The following DIAPH2 variants were observed in gnomAD, a reference collection of about 807,000 sequenced individuals.
DIAPH2 encodes the protein diaphanous related formin 2, also known as protein diaphanous homolog 2.
A neutral mutation model predicts 92.7 loss-of-function variants in DIAPH2; 35 were observed. The ratio of observed to expected loss-of-function variants is 0.38; its 90% CI spans 0.29 to 0.50. The LOEUF (loss-of-function observed/expected upper bound fraction) is 0.50. DIAPH2 is among the 20% of genes least tolerant of loss of function. DIAPH2 has a pLI of 0.94. For synonymous variants in DIAPH2, 301 were observed against 280.4 expected, an observed-to-expected ratio of 1.07 and a Z score of -0.73; for missense variants, 701 against 819.5, an observed-to-expected ratio of 0.86 and a Z score of 1.77.
chrX:97,154,371 A>G (rs955365138), intron 22 of DIAPH2, among the ~76,000 whole-genome samples: 3 of 111,970 alleles, frequency 2.7e-5, no homozygotes, highest in Non-Finnish European at 5.6e-5. Flanking sequence ...AAAAGGATAT[A>G]AAATATGAAA....
In DIAPH2 at chrX:97,152,281, G is replaced by C. The variant is rs1035371351; in HGVS notation, c.2719+10487G>C. Among the ~76,000 whole-genome samples, 3 of 111,782 alleles carry C rather than the reference G, an allele frequency of 2.7e-5. No individual in the cohort carries two copies. The East Asian group carries it at 8.4e-4, about 31-fold the overall frequency. On this transcript the variant is annotated intron_variant, in intron 22 of 26. Coordinates refer to ENST00000324765, the MANE Select transcript of DIAPH2 (RefSeq NM_006729.5). ...TCATGGGCAGTACCATTGCTGTTGT[G>C]ATTTCTTGAAATTAACTGGCATCTT... is the stretch of plus-strand genomic sequence containing the variant.
chrX:97,312,350 T>A lies in DIAPH2; in HGVS notation c.2845-35766T>A, dbSNP rs1163044823. Reference sequence around the variant, plus strand: ...CACTTTTGATCAATAGAATCCTTTTTTTTTTTTTTTTTTTTTTTTTTTGAG... The same window carrying A: ...CACTTTTGATCAATAGAATCCTTTTATTTTTTTTTTTTTTTTTTTTTTGAG... On this transcript the variant is annotated intron_variant, in intron 23 of 26. Coordinates refer to ENST00000324765, the MANE Select transcript of DIAPH2 (RefSeq NM_006729.5). 5.6e-4 allele frequency among the ~76,000 whole-genome samples: 42 copies of A among 74,913 alleles called. 2 individuals are homozygous for A. The highest frequency in any genetic ancestry group is 2.1e-3 in the African/African-American group (42 of 19,962). 65.1% of individuals were successfully genotyped at this position (74,913 alleles called of 115,157 possible). A position where few individuals can be genotyped will look rare whatever the true frequency, so the allele number is the denominator to read the frequency against.
intron 5 of DIAPH2, among the ~76,000 whole-genome samples, chrX:96,891,234 T>A (rs752459066): frequency 6.1e-4 from 69 of 112,421 alleles, no homozygotes; most frequent in African/African-American, 1.5e-3. Context: ...TTGGTTTGAA[T>A]CATATTCACA....
intron 26 of DIAPH2, among the ~76,000 whole-genome samples, chrX:97,476,665 A>T (rs1345849884): frequency 9.1e-6 from 1 of 110,247 alleles, no homozygotes; most frequent in African/African-American, 3.3e-5. Flanking sequence ...ATACTGCTTT[A>T]AAAAATATAC....
At chrX:96,963,935 A>T (rs1248055820) in intron 16 of DIAPH2, among the ~76,000 whole-genome samples, 1 of 111,265 alleles carries the variant, frequency 9.0e-6, no homozygotes, top group African/African-American at 3.3e-5. Flanking sequence ...GTGTGGAATA[A>T]GTGACAATAT....
At chrX:96,757,954 G>T (rs2064242301) in intron 3 of DIAPH2, among the ~76,000 whole-genome samples, 200 bp from the exon 4 acceptor site, 1 of 111,836 alleles carries the variant, frequency 8.9e-6, no homozygotes, top group Non-Finnish European at 1.9e-5. Flanking sequence ...TGTGAACCGT[G>T]AATACATGGT....
intron 26 of DIAPH2, among the ~76,000 whole-genome samples, chrX:97,500,858 C>T (rs1276947460): frequency 9.9e-6 from 1 of 100,739 alleles, no homozygotes; most frequent in Non-Finnish European, 2.0e-5. Flanking sequence ...TCCTCCTTTG[C>T]CAGTTCTCCA....
intron 26 of DIAPH2, among the ~76,000 whole-genome samples, chrX:97,514,865 G>A (rs756311625): frequency 2.8e-4 from 31 of 111,755 alleles, no homozygotes; most frequent in South Asian, 3.8e-4. Flanking sequence ...CAGCCTGCCC[G>A]TTCTCAGATC....
At chrX:97,057,030 C>T (rs924815787) in intron 17 of DIAPH2, among the ~76,000 whole-genome samples, 1 of 111,471 alleles carries the variant, frequency 9.0e-6, no homozygotes, top group African/African-American at 3.3e-5. Flanking sequence ...GAGATACAAT[C>T]TAAGATATTC....
chrX:97,439,683 G>A (rs2070232877), intron 26 of DIAPH2, among the ~76,000 whole-genome samples: 3 of 104,301 alleles, frequency 2.9e-5, no homozygotes, highest in Non-Finnish European at 3.9e-5. Context: ...GGAGGTTGAG[G>A]CTGCAGTGAG....
intron 26 of DIAPH2, among the ~76,000 whole-genome samples, chrX:97,523,478 C>T (rs1431527234): frequency 9.0e-6 from 1 of 111,651 alleles, no homozygotes; most frequent in East Asian, 2.8e-4. Flanking sequence ...TTTGGAATTC[C>T]AATCAGCCAA....
At chrX:97,108,759 A>G (rs1248924490) in intron 20 of DIAPH2, among the ~76,000 whole-genome samples, 1 of 112,202 alleles carries the variant, frequency 8.9e-6, no homozygotes, top group African/African-American at 3.2e-5. Context: ...TAGTAGATGT[A>G]TATTATGAAT....
At chrX:97,460,762 C>T (rs2070451839) in intron 26 of DIAPH2, among the ~76,000 whole-genome samples, 1 of 111,447 alleles carries the variant, frequency 9.0e-6, no homozygotes, top group African/African-American at 3.3e-5. Context: ...AAAATTATGC[C>T]TGGTGGAGGG....
chrX:96,728,372 G>A (rs764751606), intron 1 of DIAPH2, among the ~76,000 whole-genome samples: 2 of 110,522 alleles, frequency 1.8e-5, no homozygotes, highest in East Asian at 5.8e-4. Flanking sequence ...ACTACACCCA[G>A]CTAATTTTTG....
At chrX:96,896,578 C>T (rs777172950) in intron 5 of DIAPH2, among the ~76,000 whole-genome samples, 120 of 111,761 alleles carry the variant, frequency 1.1e-3, no homozygotes, top group Non-Finnish European at 1.7e-3. Flanking sequence ...AAGAAAAATC[C>T]ATGTTTTTAA....
intron 3 of DIAPH2, among the ~76,000 whole-genome samples, chrX:96,751,647 G>GTTTTTTTTT (rs1332024432): frequency 1.1e-4 from 9 of 85,043 alleles, no homozygotes; most frequent in Admixed American, 1.4e-4. Flanking sequence ...AGACTTCAGT[G>GTTTTTTTTT]TTTTGTTTTT....
At chrX:97,484,408 G>A (rs974902922) in intron 26 of DIAPH2, among the ~76,000 whole-genome samples, 9 of 111,895 alleles carry the variant, frequency 8.0e-5, no homozygotes, top group African/African-American at 2.6e-4. Context: ...ATAACATAAC[G>A]AATATAAAAC....
intron 25 of DIAPH2, among the ~76,000 whole-genome samples, chrX:97,405,748 G>A (rs1466802024): frequency 9.0e-6 from 1 of 111,437 alleles, no homozygotes; most frequent in African/African-American, 3.3e-5. Context: ...ATATGAAATT[G>A]TTGCCATTTG....
At chrX:97,183,327 A>T (rs2067555603) in intron 22 of DIAPH2, among the ~76,000 whole-genome samples, 1 of 111,343 alleles carries the variant, frequency 9.0e-6, no homozygotes, top group South Asian at 3.8e-4. Context: ...TCCTTGGAAG[A>T]TAATTTTCTC....
Sources: allele counts gnomAD v4.1 joint callset (sites outside exome capture counted in the v4.1 genomes callset), GRCh38; gene constraint gnomAD v4.1.1; transcripts MANE v1.5; gene names NCBI Gene and HGNC (gene_info 2026-07-23, HGNC 2026-07-21).